The following PVT1 variants were observed in gnomAD, a reference collection of about 807,000 sequenced individuals.
PVT1 encodes Pvt1 oncogene.
At chr8:128,077,943 T>C (rs866852336) in intron 5 of PVT1, among the ~76,000 whole-genome samples, 1 of 152,170 alleles carries the variant, frequency 6.6e-6, no homozygotes, top group Non-Finnish European at 1.5e-5. Flanking sequence ...AAAAATAAAT[T>C]TCCTGACACC....
chr8:127,872,864 T>G (rs1484935954), intron 2 of PVT1, among the ~76,000 whole-genome samples: 2 of 152,186 alleles, frequency 1.3e-5, no homozygotes, highest in Non-Finnish European at 2.9e-5. Flanking sequence ...CTTTGTGGTT[T>G]GAGATATATT....
intron 2 of PVT1, among the ~76,000 whole-genome samples, chr8:127,860,598 A>C (rs1226410375): frequency 2.6e-5 from 4 of 151,878 alleles, no homozygotes; most frequent in African/African-American, 9.7e-5. Context: ...CCCCGTCTCT[A>C]CTAAAAATAC....
At chr8:127,858,784 T>C (rs1288379025) in intron 2 of PVT1, among the ~76,000 whole-genome samples, 2 of 146,854 alleles carry the variant, frequency 1.4e-5, no homozygotes, top group African/African-American at 4.9e-5. Flanking sequence ...CTTTTTCTCT[T>C]GTGGACTACA....
At chr8:127,931,892 G>A (rs545101667) in intron 3 of PVT1, among the ~76,000 whole-genome samples, 2 of 152,360 alleles carry the variant, frequency 1.3e-5, no homozygotes, top group African/African-American at 4.8e-5. Flanking sequence ...ATTATGTAAG[G>A]CCCTGCGGCT....
chr8:127,858,115 G>T (rs901595497), intron 2 of PVT1, among the ~76,000 whole-genome samples: 1 of 152,206 alleles, frequency 6.6e-6, no homozygotes, highest in African/African-American at 2.4e-5. Flanking sequence ...CTTAGGCTGG[G>T]TGTGGTGGCT....
chr8:127,938,898 C>T (rs1467865697), intron 3 of PVT1, among the ~76,000 whole-genome samples: 2 of 152,222 alleles, frequency 1.3e-5, no homozygotes, highest in African/African-American at 4.8e-5. Flanking sequence ...AGCAGTCCTT[C>T]CTCTGGTGAG....
At chr8:128,041,621 G>GTGTA (rs770480357) in intron 4 of PVT1, among the ~76,000 whole-genome samples, 1 of 147,406 alleles carries the variant, frequency 6.8e-6, no homozygotes, top group African/African-American at 2.5e-5. Context: ...GTGTGTGTGT[G>GTGTA]TGTGTTGTGT....
intron 4 of PVT1, among the ~76,000 whole-genome samples, chr8:128,038,367 G>A (rs1463576083): frequency 6.6e-6 from 1 of 152,180 alleles, no homozygotes; most frequent in South Asian, 2.1e-4. Flanking sequence ...ATCGCCACAT[G>A]CCTGGCACTT....
intron 3 of PVT1, among the ~76,000 whole-genome samples, chr8:127,936,515 C>G (rs1001287343): frequency 1.3e-5 from 2 of 152,088 alleles, no homozygotes; most frequent in African/African-American, 4.8e-5. Context: ...TTCCTATGGC[C>G]GCCCCAATGC....
chr8:128,081,348 A>G (rs1327473547), intron 5 of PVT1, among the ~76,000 whole-genome samples: 1 of 152,244 alleles, frequency 6.6e-6, no homozygotes, highest in Non-Finnish European at 1.5e-5. Flanking sequence ...AAGGTGCTAC[A>G]GACATTCGTA....
At chr8:128,086,675 A>G (rs1586513594) in intron 5 of PVT1, among the ~76,000 whole-genome samples, 1 of 152,366 alleles carries the variant, frequency 6.6e-6, no homozygotes, top group South Asian at 2.1e-4. Context: ...TTTGTTCAGT[A>G]TGGGTTTTCC....
intron 4 of PVT1, among the ~76,000 whole-genome samples, chr8:128,012,062 T>C (rs1038060153): frequency 6.6e-6 from 1 of 152,204 alleles, no homozygotes; most frequent in Non-Finnish European, 1.5e-5. Context: ...TCCCTCTTAT[T>C]TGTGGAGCAC....
At chr8:127,815,409 TTTAAG>T (rs1251210767) in intron 2 of PVT1, among the ~76,000 whole-genome samples, 47 of 152,352 alleles carry the variant, frequency 3.1e-4, no homozygotes, top group African/African-American at 1.1e-3. Flanking sequence ...GCACAGACAT[TTTAAG>T]AAACTTAGCC....
intron 2 of PVT1, among the ~76,000 whole-genome samples, chr8:127,858,426 A>ATAAG (rs1815184208): frequency 6.6e-6 from 1 of 151,184 alleles, no homozygotes; most frequent in Non-Finnish European, 1.5e-5. Context: ...AAATAAATAA[A>ATAAG]TAAATAAATA....
intron 5 of PVT1, among the ~76,000 whole-genome samples, chr8:128,089,470 A>G (rs1171082081): frequency 1.3e-5 from 2 of 152,096 alleles, no homozygotes; most frequent in African/African-American, 4.8e-5. Context: ...CACTGTCATG[A>G]CCATCACCCC....
intron 4 of PVT1, among the ~76,000 whole-genome samples, chr8:128,014,341 G>A (rs1361643300): frequency 6.6e-6 from 1 of 152,202 alleles, no homozygotes; most frequent in Admixed American, 6.5e-5. Context: ...CTAGAATCCT[G>A]TGATGGGTGC....
chr8:127,969,918 G>A (rs1816744263), intron 3 of PVT1, among the ~76,000 whole-genome samples: 1 of 152,214 alleles, frequency 6.6e-6, no homozygotes, highest in Non-Finnish European at 1.5e-5. Flanking sequence ...GAGCAGCGCT[G>A]TCCATCCAGT....
intron 4 of PVT1, among the ~76,000 whole-genome samples, chr8:127,997,399 G>A (rs748650625): frequency 1.1e-4 from 17 of 152,166 alleles, no homozygotes; most frequent in Admixed American, 2.0e-4. Flanking sequence ...GGCCTGGATG[G>A]CCGCCATAGT....
intron 3 of PVT1, among the ~76,000 whole-genome samples, chr8:127,963,690 G>T (rs1174823256): frequency 1.3e-5 from 2 of 151,674 alleles, no homozygotes; most frequent in Non-Finnish European, 2.9e-5. Flanking sequence ...TGTACTATGT[G>T]TCAGGCATGA....
Sources: allele counts gnomAD v4.1 joint callset (sites outside exome capture counted in the v4.1 genomes callset), GRCh38; gene constraint gnomAD v4.1.1; transcripts MANE v1.5; gene names NCBI Gene and HGNC (gene_info 2026-07-23, HGNC 2026-07-21).